Variants in EPAS1 observed in about 807,000 individuals in gnomAD.
The protein encoded by EPAS1 is endothelial PAS domain protein 1.
EPAS1 carries 23 observed loss-of-function variants against 87.9 expected under a neutral mutation model. The observed-to-expected ratio is 0.26, with a 90% CI of 0.19 to 0.37. The LOEUF (loss-of-function observed/expected upper bound fraction) is 0.37, where lower values mean the gene tolerates loss of function less well. Among genes scored for constraint, EPAS1 ranks in the 10% least tolerant of loss-of-function variants. The pLI, the probability that EPAS1 is intolerant of heterozygous loss-of-function variation, is 1.00. For synonymous variants in EPAS1, 508 were observed against 444.3 expected (o/e 1.14, Z -1.80); for missense variants, 1,138 against 1,120.7 (o/e 1.02, Z -0.22).
At chr2:46,343,021 A>C (rs1683941883) in intron 1 of EPAS1, among the ~76,000 whole-genome samples, 1 of 152,150 alleles carries the variant, frequency 6.6e-6, no homozygotes, top group Non-Finnish European at 1.5e-5. Context: ...AACCCAAAAC[A>C]AAAAGAAACA....
At chr2:46,322,775 G>C (rs1020363965) in intron 1 of EPAS1, among the ~76,000 whole-genome samples, 2 of 152,182 alleles carry the variant, frequency 1.3e-5, no homozygotes, top group African/African-American at 4.8e-5. Flanking sequence ...CATTATATCA[G>C]GGATGGCAAA....
intron 9 of EPAS1, 43 bp from the exon 10 acceptor site, chr2:46,377,851 C>T (rs559052188): frequency 9.7e-6 from 15 of 1,551,598 alleles, no homozygotes; most frequent in Middle Eastern, 1.7e-4. Flanking sequence ...GGGGTGAGCC[C>T]GATGGTTGTG....
intron 1 of EPAS1, among the ~76,000 whole-genome samples, chr2:46,318,984 G>T (rs1184110717): frequency 2.0e-5 from 3 of 152,162 alleles, no homozygotes; most frequent in Non-Finnish European, 4.4e-5. Context: ...TCCAGGCTCA[G>T]AAAACAAGCT....
At chr2:46,308,503 AT>A (rs58463582) in intron 1 of EPAS1, among the ~76,000 whole-genome samples, 13,985 of 150,606 alleles carry the variant, frequency 0.093, 1,384 homozygotes, top group African/African-American at 0.25. Flanking sequence ...TTTAAAAAAA[AT>A]AATAGAATTG....
At chr2:46,354,006 G>C (rs1474210994) in intron 2 of EPAS1, among the ~76,000 whole-genome samples, 1 of 152,254 alleles carries the variant, frequency 6.6e-6, no homozygotes, top group Non-Finnish European at 1.5e-5. Flanking sequence ...CGTGTTCTCT[G>C]ATCCTGTGTC....
Position 46,375,178 on chromosome 2 carries a change from G to GAAAA in EPAS1, c.887-504_887-501dup, listed in dbSNP as rs750659594. On this transcript the variant is annotated intron_variant, in intron 7 of 15. Transcript: ENST00000263734. This position sits in a 1 kb window ranked among gnomAD's most constrained non-coding sequence, Gnocchi z 4.1. ...GCAGGGTATTGGTGGTGGGTCTGCT[G>GAAAA]AAAAAAAAAAACAAAAAAAAACAAA... is the stretch of plus-strand genomic sequence containing the variant. 1.5e-4 allele frequency among the ~76,000 whole-genome samples: 18 copies of GAAAA among 117,568 alleles called. 3 individuals carry two copies. The highest frequency in any genetic ancestry group is 2.9e-4 in the South Asian group (1 of 3,436). The allele number at this position is 117,568 out of a possible 152,430, so 77.1% of individuals were successfully genotyped here.
At chr2:46,373,790 T>C (rs771057014) in intron 7 of EPAS1, among the ~76,000 whole-genome samples, 60 of 152,220 alleles carry the variant, frequency 3.9e-4, no homozygotes, top group Non-Finnish European at 6.8e-4. Context: ...ATAACATTTA[T>C]TTTTAAAAAT....
At chr2:46,358,834 G>C (rs12468696) in intron 4 of EPAS1, among the ~76,000 whole-genome samples, 3 of 152,224 alleles carry the variant, frequency 2.0e-5, no homozygotes, top group Admixed American at 2.0e-4. Context: ...TAGAGGAAAA[G>C]AAAGCCATGA....
At position 46,356,316 on chromosome 2, in the gene EPAS1, C is replaced by G. The variant is rs1380448046; in HGVS notation, c.369+14C>G. Reference sequence around the variant, plus strand: ...GGACTTACACAGGTGACACCCTCCTCTATCTCTTTCAAAAGAAGAAATGTT... The same window carrying G: ...GGACTTACACAGGTGACACCCTCCTGTATCTCTTTCAAAAGAAGAAATGTT... On this transcript the variant is annotated intron_variant, in intron 3 of 15. Transcript: ENST00000263734. The G allele has an allele frequency of 4.3e-6, 7 of 1,614,062 alleles. No individual in the cohort carries two copies. Among genetic ancestry groups the G allele is most frequent in the African/African-American group, 2.7e-5 (2 of 74,936 alleles).
At position 46,380,367 on chromosome 2, in the gene EPAS1, T is replaced by G. The variant is rs1367180637; in HGVS notation, c.1695T>G (p.Ser565Arg). ...NPQSTPQHCF[S>R]AMTNIFQPLA... ...AGTCCACCCCCCAGCACTGCTTCAG[T>G]GCCATGACAAACATCTTCCAGCCAC... The change falls in exon 12 of 16, where the codon AGT (serine) becomes AGG (arginine). Residue 565 changes from serine to arginine, a missense_variant. Physicochemically the swap from Ser to Arg is moderately radical, Grantham distance 110 (BLOSUM62 -1). Coordinates refer to ENST00000263734, the MANE Select transcript of EPAS1 (RefSeq NM_001430.5). The surrounding 1 kb of genome is among the most constrained non-coding windows in gnomAD (Gnocchi z 4.4). 4 of 1,614,108 alleles carry G rather than the reference T, an allele frequency of 2.5e-6. No individual in the cohort carries two copies. In the East Asian group the frequency reaches 8.9e-5, roughly 36 times the overall value.
At position 46,380,745 on chromosome 2, in the gene EPAS1, G is replaced by C. The variant is rs766046106; in HGVS notation, c.2045+28G>C. On this transcript the variant is annotated intron_variant, in intron 12 of 15. Coordinates refer to ENST00000263734, the MANE Select transcript of EPAS1 (RefSeq NM_001430.5). The surrounding 1 kb of genome is among the most constrained non-coding windows in gnomAD (Gnocchi z 4.4). ...AAGTGGCAGATACTCAGCTGTACCAGCAGGGCCGAACCGAGAGGCACCCAC... is the reference window on the plus strand; with the variant it reads ...AAGTGGCAGATACTCAGCTGTACCACCAGGGCCGAACCGAGAGGCACCCAC... 1.9e-6 allele frequency: 3 copies of C among 1,603,914 alleles called. No individual in the cohort carries two copies. The highest frequency in any genetic ancestry group is 2.5e-6 in the Non-Finnish European group (3 of 1,179,958).
intron 2 of EPAS1, among the ~76,000 whole-genome samples, chr2:46,349,201 G>T (rs903733863): frequency 6.6e-6 from 1 of 152,196 alleles, no homozygotes; most frequent in African/African-American, 2.4e-5. Flanking sequence ...CAGCGTGATG[G>T]GGAGGAGGTC....
chr2:46,383,035 G>C (rs1684937643), intron 15 of EPAS1, among the ~76,000 whole-genome samples: 1 of 152,212 alleles, frequency 6.6e-6, no homozygotes, highest in South Asian at 2.1e-4. Flanking sequence ...GAGTTGGGAA[G>C]CGGTCTGGGC....
intron 1 of EPAS1, among the ~76,000 whole-genome samples, chr2:46,316,132 G>A (rs1022256596): frequency 2.0e-5 from 3 of 151,942 alleles, no homozygotes; most frequent in Non-Finnish European, 2.9e-5. Flanking sequence ...TTGTAGGTTC[G>A]TTCCAGGCCA....
At chr2:46,318,043 T>G (rs925595744) in intron 1 of EPAS1, among the ~76,000 whole-genome samples, 1 of 152,226 alleles carries the variant, frequency 6.6e-6, no homozygotes, top group South Asian at 2.1e-4. Flanking sequence ...ATTCCTTAAC[T>G]TTTGATTTAA....
At position 46,347,182 on chromosome 2, in the gene EPAS1, C is replaced by A; in HGVS notation, c.217+119C>A. ...GTCACCCCACTACAGAACTTTCACC[C>A]ACAGAAACACCATCATGAGTGATTT... On this transcript the variant is annotated intron_variant, in intron 2 of 15. Coordinates refer to ENST00000263734, the MANE Select transcript of EPAS1 (RefSeq NM_001430.5). This position sits in a 1 kb window ranked among gnomAD's most constrained non-coding sequence, Gnocchi z 4.2. 1 of 1,042,574 alleles carries A rather than the reference C, an allele frequency of 9.6e-7. No homozygotes were observed. Among genetic ancestry groups the A allele is most frequent in the Non-Finnish European group, 1.5e-6 (1 of 671,970 alleles). 64.6% of individuals were successfully genotyped at this position (1,042,574 alleles called of 1,614,324 possible). A position where few individuals can be genotyped will look rare whatever the true frequency, so the allele number is the denominator to read the frequency against.
chr2:46,318,975 C>T (rs1230960283), intron 1 of EPAS1, among the ~76,000 whole-genome samples: 1 of 152,150 alleles, frequency 6.6e-6, no homozygotes, highest in Non-Finnish European at 1.5e-5. Context: ...ATTGACATGT[C>T]CAGGCTCAGA....
rs1053483414 is a variant in EPAS1, at chr2:46,375,069, C to A, written c.887-621C>A. Among the ~76,000 whole-genome samples, 1 of 151,884 alleles carries A rather than the reference C, an allele frequency of 6.6e-6. No individual in the cohort carries two copies. Among genetic ancestry groups the A allele is most frequent in the African/African-American group, 2.4e-5 (1 of 41,326 alleles). On this transcript the variant is annotated intron_variant, in intron 7 of 15. Coordinates refer to ENST00000263734, the MANE Select transcript of EPAS1 (RefSeq NM_001430.5). The surrounding 1 kb of genome is among the most constrained non-coding windows in gnomAD (Gnocchi z 4.1). ...TCTGCCTTTGCTGTGGGTCACAAAC[C>A]TTCAGTGGCCCAAAAGGTGGCAAGC...
At chr2:46,342,081 C>T (rs988538024) in intron 1 of EPAS1, among the ~76,000 whole-genome samples, 1 of 152,138 alleles carries the variant, frequency 6.6e-6, no homozygotes, top group Non-Finnish European at 1.5e-5. Context: ...TTTTAAAACT[C>T]CCATTGCCCA....
Sources: allele counts gnomAD v4.1 joint callset (sites outside exome capture counted in the v4.1 genomes callset), GRCh38; gene constraint gnomAD v4.1.1; non-coding constraint Gnocchi (gnomAD v3.1); transcripts MANE v1.5; gene names NCBI Gene and HGNC (gene_info 2026-07-23, HGNC 2026-07-21).